Variants in CFAP221 observed in about 807,000 individuals in gnomAD.
CFAP221 encodes cilia- and flagella-associated protein 221.
Under a neutral mutation model 113.1 loss-of-function variants are expected in CFAP221, and 97 were observed. The observed-to-expected ratio is 0.86, with a 90% confidence interval of 0.73 to 1.02. CFAP221 has a LOEUF of 1.02. Ranked by LOEUF, CFAP221 falls within the 50% of genes least tolerant of loss-of-function variation. CFAP221 has a pLI of 0.00. For synonymous variants in CFAP221, 331 were observed against 354.4 expected (o/e 0.93, Z 0.74); for missense variants, 1,025 against 1,013.4 (o/e 1.01, Z -0.16).
intron 3 of CFAP221, among the ~76,000 whole-genome samples, chr2:119,554,080 T>G (rs1326122191): frequency 1.3e-5 from 2 of 152,222 alleles, no homozygotes; most frequent in African/African-American, 4.8e-5. Context: ...GCCAGCCCCC[T>G]GTTTCCACGG....
Position 119,546,242 on chromosome 2 carries a change from A to G in CFAP221, c.111A>G (p.Lys37=). The change falls in exon 2 of 24, where the codon AAA becomes AAG. Residue 37 remains lysine (K), a synonymous_variant. Coordinates refer to ENST00000413369, the MANE Select transcript of CFAP221 (RefSeq NM_001271049.2). ...KNLVEEPKKR[K]EVPNHLLESK... is the part of the protein sequence containing the mutation. ...TAGTGGAGGAGCCGAAAAAAAGAAA[A>G]GAAGTACCTAATCACCTCCTAGAAT... The G allele has an allele frequency of 6.5e-7, 1 of 1,535,672 alleles. No homozygotes were observed. The highest frequency in any genetic ancestry group is 8.7e-7 in the Non-Finnish European group (1 of 1,146,662).
chr2:119,625,756 G>C (rs778371737), intron 15 of CFAP221, 68 bp downstream of exon 15: 2 of 1,351,622 alleles, frequency 1.5e-6, no homozygotes, highest in Non-Finnish European at 2.1e-6. Context: ...ACTTTCCTTA[G>C]AATGAAGTTA....
intron 13 of CFAP221, 141 bp from the exon 14 acceptor site, chr2:119,615,470 T>A: frequency 1.5e-6 from 1 of 661,464 alleles, no homozygotes. Flanking sequence ...CTAAAAGTGC[T>A]TAATAAATAA....
intron 6 of CFAP221, among the ~76,000 whole-genome samples, chr2:119,576,856 G>A (rs1198913595): frequency 1.3e-5 from 2 of 152,204 alleles, no homozygotes; most frequent in African/African-American, 4.8e-5. Context: ...TAATCAGACA[G>A]CTAATATTGT....
Position 119,546,155 on chromosome 2 carries a change from C to T in CFAP221, c.24C>T (p.Ser8=), listed in dbSNP as rs1680035982. ...AAATGGCAGTGGTGAAAACCCCCAG[C>T]AGAGGACTAAAGAATGCTAAAGAAC... The part of the protein sequence containing the change: MAVVKTP[S]RGLKNAKEPF... Residue 8 remains serine (S), a synonymous_variant, in exon 2 of 24, where the codon AGC becomes AGT. Transcript: ENST00000413369. The T allele has an allele frequency of 2.6e-6, 4 of 1,534,670 alleles. No homozygotes were observed. In the Admixed American group the frequency reaches 5.9e-5, roughly 23 times the overall value.
chr2:119,591,088 A>G (rs954525431), intron 7 of CFAP221, among the ~76,000 whole-genome samples: 2 of 152,218 alleles, frequency 1.3e-5, no homozygotes, highest in Admixed American at 6.5e-5. Context: ...GATGGAAATT[A>G]GTGAGATAAC....
chr2:119,608,265 G>A (rs1684908989), intron 11 of CFAP221, among the ~76,000 whole-genome samples: 1 of 152,180 alleles, frequency 6.6e-6, no homozygotes, highest in Non-Finnish European at 1.5e-5. Flanking sequence ...GATTTAGAAG[G>A]TTGAGCATCC....
intron 21 of CFAP221, among the ~76,000 whole-genome samples, chr2:119,646,336 C>A (rs1026051383): frequency 3.9e-5 from 6 of 152,150 alleles, no homozygotes; most frequent in Non-Finnish European, 7.3e-5. Flanking sequence ...GTACAGGAAG[C>A]AGGACAGCTT....
chr2:119,596,842 C>G (rs758904011), intron 7 of CFAP221, among the ~76,000 whole-genome samples: 3 of 152,128 alleles, frequency 2.0e-5, no homozygotes, highest in Admixed American at 6.5e-5. Context: ...TGATAATGTC[C>G]AGGCCTGTGT....
rs143581586 is a variant in CFAP221, at chr2:119,594,480, A to G, written c.632-6738A>G. On this transcript the variant is annotated intron_variant, in intron 7 of 23. Transcript: ENST00000413369. ...AGGCTGGTCTTGAACTTCTGACCTC[A>G]TGATCCACCCTCGTCAGCCTCCCAA... Among the ~76,000 whole-genome samples the G allele has an allele frequency of 9.1e-4, 138 of 152,120 alleles. 2 individuals are homozygous for G. The highest frequency in any genetic ancestry group is 3.1e-3 in the African/African-American group (128 of 41,488).
At chr2:119,603,700 A>G (rs180926532) in intron 8 of CFAP221, among the ~76,000 whole-genome samples, 7 of 152,350 alleles carry the variant, frequency 4.6e-5, no homozygotes, top group Non-Finnish European at 1.0e-4. Flanking sequence ...TATTATGCCA[A>G]ATTGGTACTG....
In CFAP221 at chr2:119,630,684, C is replaced by T; in HGVS notation, c.1839+7C>T. Reference sequence around the variant, plus strand: ...CCTAAAGCAAGGAGCTGAGGTAACACACCCCCATCTTCCAGAATCTCTCTC... The same window carrying T: ...CCTAAAGCAAGGAGCTGAGGTAACATACCCCCATCTTCCAGAATCTCTCTC... On this transcript the variant is annotated splice_region_variant and intron_variant, in intron 18 of 23. Coordinates refer to ENST00000413369, the MANE Select transcript of CFAP221 (RefSeq NM_001271049.2). 6.2e-7 allele frequency: 1 copy of T among 1,608,248 alleles called. No individual in the cohort carries two copies. The highest frequency in any genetic ancestry group is 2.2e-5 in the East Asian group (1 of 44,854).
rs118003022 is a variant in CFAP221, at chr2:119,568,963, C to A, written c.527+6849C>A. Reference sequence around the variant, plus strand: ...CCCCTTCACTTTTGAAGGATAATTTCACAGGGCACAGAATTCTGAGTCGGT... The same window carrying A: ...CCCCTTCACTTTTGAAGGATAATTTAACAGGGCACAGAATTCTGAGTCGGT... On this transcript the variant is annotated intron_variant, in intron 6 of 23. Coordinates refer to ENST00000413369, the MANE Select transcript of CFAP221 (RefSeq NM_001271049.2). Among the ~76,000 whole-genome samples the A allele has an allele frequency of 6.8e-3, 1,042 of 152,238 alleles. 27 individuals carry two copies. The East Asian group carries it at 0.077, about 11-fold the overall frequency.
At chr2:119,592,057 A>G (rs1394678078) in intron 7 of CFAP221, among the ~76,000 whole-genome samples, 1 of 152,226 alleles carries the variant, frequency 6.6e-6, no homozygotes, top group Non-Finnish European at 1.5e-5. Flanking sequence ...TTGAAAAAAC[A>G]TTACCGAGAA....
chr2:119,628,045 C>T (rs1415622013), intron 16 of CFAP221, among the ~76,000 whole-genome samples: 3 of 152,182 alleles, frequency 2.0e-5, no homozygotes, highest in Non-Finnish European at 2.9e-5. Flanking sequence ...CACTGACCCC[C>T]GCCCAACTGC....
At chr2:119,658,682 C>CA (rs1267407476), downstream of CFAP221, among the ~76,000 whole-genome samples, 1 of 151,716 alleles carries the variant, frequency 6.6e-6, no homozygotes, top group Non-Finnish European at 1.5e-5. Context: ...GTATATATAT[C>CA]AAAAAACATG....
At position 119,604,887 on chromosome 2, in the gene CFAP221, C is replaced by T. The variant is rs926997216; in HGVS notation, c.924C>T (p.Tyr308=). 6.2e-7 allele frequency: 1 copy of T among 1,613,946 alleles called. No homozygotes were observed. The highest frequency in any genetic ancestry group is 1.1e-5 in the South Asian group (1 of 91,044). The part of the protein sequence containing the change: ...PKPQKVKEIE[Y]QNLRFPVDLS... ...ATTTGGTCTCTTAGGAAATTGAGTA[C>T]CAGAACCTCAGATTTCCAGTAGATT... is the stretch of plus-strand genomic sequence containing the variant. Residue 308 remains tyrosine (Y), a synonymous_variant, in exon 10 of 24, where the codon TAC becomes TAT. Transcript: ENST00000413369.
At chr2:119,631,077 T>C in intron 19 of CFAP221, 176 bp downstream of exon 19, 1 of 1,313,708 alleles carries the variant, frequency 7.6e-7, no homozygotes, top group East Asian at 2.7e-5. Flanking sequence ...TATCAGTGAT[T>C]CCGTCTTTTA....
At chr2:119,631,536 G>A (rs1047797072) in intron 19 of CFAP221, among the ~76,000 whole-genome samples, 2 of 152,074 alleles carry the variant, frequency 1.3e-5, no homozygotes, top group Non-Finnish European at 2.9e-5. Flanking sequence ...TTAGCCAAAC[G>A]CGGTGGCACC....
Sources: allele counts gnomAD v4.1 joint callset (sites outside exome capture counted in the v4.1 genomes callset), GRCh38; gene constraint gnomAD v4.1.1; transcripts MANE v1.5; gene names NCBI Gene and HGNC (gene_info 2026-07-23, HGNC 2026-07-21).